ATP6V1H: variants seen among roughly 807,000 people sequenced by gnomAD.
ATP6V1H encodes ATPase H+ transporting V1 subunit H.
In ATP6V1H, 39 loss-of-function variants were observed where a neutral mutation model predicts 71.7. The observed-to-expected ratio is 0.54, with a 90% CI of 0.42 to 0.71. ATP6V1H has a LOEUF of 0.71. ATP6V1H is among the 30% of genes least tolerant of loss of function. The pLI is 0.00. For missense variants in ATP6V1H, 509 were observed against 594.9 expected, an observed-to-expected ratio of 0.86 and a Z score of 1.50; for synonymous variants, 192 against 199.3, an observed-to-expected ratio of 0.96 and a Z score of 0.31.
intron 11 of ATP6V1H, among the ~76,000 whole-genome samples, chr8:53,757,486 T>C (rs909768764): frequency 3.9e-5 from 6 of 152,242 alleles, no homozygotes; most frequent in Non-Finnish European, 7.3e-5. Context: ...GCTCCTCTGT[T>C]ATTTTAATGC....
intron 13 of ATP6V1H, among the ~76,000 whole-genome samples, chr8:53,729,168 G>GT (rs1245302089): frequency 1.3e-5 from 2 of 151,452 alleles, no homozygotes; most frequent in South Asian, 2.1e-4. Flanking sequence ...AGCACCACAT[G>GT]TTTTTTTTGG....
intron 13 of ATP6V1H, among the ~76,000 whole-genome samples, chr8:53,717,017 G>GGTAT (rs1173532965): frequency 6.6e-6 from 1 of 152,210 alleles, no homozygotes; most frequent in East Asian, 1.9e-4. Flanking sequence ...GGAGGCACTG[G>GGTAT]GTATGGAGGC....
chr8:53,781,313 G>C (rs1022233066), intron 9 of ATP6V1H, among the ~76,000 whole-genome samples: 1 of 152,150 alleles, frequency 6.6e-6, no homozygotes, highest in African/African-American at 2.4e-5. Flanking sequence ...ATTTTTTCAT[G>C]TGTTTTATGG....
At chr8:53,779,960 A>ACC (rs1331128581) in intron 9 of ATP6V1H, among the ~76,000 whole-genome samples, 2 of 152,074 alleles carry the variant, frequency 1.3e-5, no homozygotes, top group Non-Finnish European at 1.5e-5. Context: ...GGGGTTCTAG[A>ACC]CCAGCCTGGC....
At chr8:53,805,466 T>A (rs545847078) in intron 7 of ATP6V1H, among the ~76,000 whole-genome samples, 1 of 152,228 alleles carries the variant, frequency 6.6e-6, no homozygotes, top group South Asian at 2.1e-4. Flanking sequence ...TGTATATGTG[T>A]GTATGTGTGA....
intron 4 of ATP6V1H, among the ~76,000 whole-genome samples, chr8:53,823,964 TA>T (rs1012540006): frequency 7.0e-6 from 1 of 141,998 alleles, no homozygotes; most frequent in African/African-American, 2.6e-5. Flanking sequence ...TGAAAAAAAT[TA>T]ACAAAATGGG....
At chr8:53,748,552 A>G (rs1393201193) in intron 12 of ATP6V1H, among the ~76,000 whole-genome samples, 1 of 152,202 alleles carries the variant, frequency 6.6e-6, no homozygotes, top group African/African-American at 2.4e-5. Context: ...AGTGAACTAG[A>G]GCATGTGTAC....
chr8:53,764,259 CAT>C (rs1357513401), intron 11 of ATP6V1H, among the ~76,000 whole-genome samples: 2 of 152,070 alleles, frequency 1.3e-5, no homozygotes, highest in African/African-American at 4.8e-5. Flanking sequence ...CTCTCATGAA[CAT>C]AGATGCAAAA....
At chr8:53,762,749 ACT>A (rs1247514146) in intron 11 of ATP6V1H, among the ~76,000 whole-genome samples, 1 of 151,982 alleles carries the variant, frequency 6.6e-6, no homozygotes, top group African/African-American at 2.4e-5. Context: ...GAGAAGTAAA[ACT>A]CTCTATTCAC....
chr8:53,732,928 T>C (rs1239303304), intron 13 of ATP6V1H, among the ~76,000 whole-genome samples: 1 of 152,018 alleles, frequency 6.6e-6, no homozygotes, highest in African/African-American at 2.4e-5. Flanking sequence ...GAAGTCAAGA[T>C]AGTCAAGCAG....
At chr8:53,801,034 A>T (rs1181529240) in intron 8 of ATP6V1H, among the ~76,000 whole-genome samples, 1 of 152,232 alleles carries the variant, frequency 6.6e-6, no homozygotes. Context: ...AACTCACAAG[A>T]ACAGCTATTC....
At chr8:53,785,750 T>C (rs1809357816) in intron 9 of ATP6V1H, among the ~76,000 whole-genome samples, 1 of 152,230 alleles carries the variant, frequency 6.6e-6, no homozygotes, top group African/African-American at 2.4e-5. Context: ...TAGTTTTCCT[T>C]CTAACACTCA....
At chr8:53,785,524 T>G (rs1187343018) in intron 9 of ATP6V1H, among the ~76,000 whole-genome samples, 1 of 152,260 alleles carries the variant, frequency 6.6e-6, no homozygotes, top group Non-Finnish European at 1.5e-5. Flanking sequence ...TTCTGAAGCC[T>G]TCTTCTCTCA....
intron 13 of ATP6V1H, among the ~76,000 whole-genome samples, chr8:53,728,894 G>A (rs1394951700): frequency 6.6e-6 from 1 of 152,208 alleles, no homozygotes; most frequent in African/African-American, 2.4e-5. Context: ...GTCATTTTCT[G>A]TACTTGTTGG....
intron 13 of ATP6V1H, among the ~76,000 whole-genome samples, chr8:53,728,154 T>C (rs1316230847): frequency 6.6e-6 from 1 of 152,184 alleles, no homozygotes; most frequent in Non-Finnish European, 1.5e-5. Context: ...TTCAGTCCTC[T>C]AATTGCTTCC....
chr8:53,817,222 T>C (rs1810479575), intron 5 of ATP6V1H, among the ~76,000 whole-genome samples, 195 bp downstream of exon 5: 2 of 150,358 alleles, frequency 1.3e-5, no homozygotes, highest in Admixed American at 6.6e-5. Context: ...AATAAAAACC[T>C]TTCTTCTTTG....
chr8:53,725,069 C>T (rs1303750537), intron 13 of ATP6V1H, among the ~76,000 whole-genome samples: 2 of 152,172 alleles, frequency 1.3e-5, no homozygotes, highest in Admixed American at 6.5e-5. Context: ...TATCTGTCCC[C>T]TTCAAACCTC....
chr8:53,799,993 C>T (rs1809856810), intron 8 of ATP6V1H, among the ~76,000 whole-genome samples: 1 of 152,182 alleles, frequency 6.6e-6, no homozygotes. Context: ...TAGATTAAGA[C>T]ACCTACTTTA....
At chr8:53,734,981 A>G (rs1047126831) in intron 13 of ATP6V1H, among the ~76,000 whole-genome samples, 1 of 152,230 alleles carries the variant, frequency 6.6e-6, no homozygotes, top group African/African-American at 2.4e-5. Flanking sequence ...CACCTAGGCC[A>G]AGAGTCACTT....
Sources: gnomAD v4.1 joint callset for allele counts (sites outside exome capture counted in the v4.1 genomes callset) on GRCh38, gnomAD v4.1.1 for gene constraint, MANE v1.5 for transcripts, NCBI Gene and HGNC (gene_info 2026-07-23, HGNC 2026-07-21) for gene names.